Variants in ZBTB40 observed in about 807,000 individuals in gnomAD.
ZBTB40 encodes zinc finger and BTB domain containing 40, also known as zinc finger and BTB domain-containing protein 40.
Under a neutral mutation model 117.5 loss-of-function variants are expected in ZBTB40, and 60 were observed. The ratio of observed to expected loss-of-function variants is 0.51; its 90% CI spans 0.41 to 0.63. ZBTB40 has a LOEUF of 0.63. ZBTB40 is among the 30% of genes least tolerant of loss of function. The probability of loss-of-function intolerance (pLI) is 0.00; values close to 1 mark genes in which losing one functional copy is unlikely to be tolerated. For synonymous variants in ZBTB40, 525 were observed against 577.1 expected (o/e 0.91, Z 1.29); for missense variants, 1,287 against 1,498.5 (o/e 0.86, Z 2.33).
At chr1:22,464,810 A>G (rs1411272722) in intron 1 of ZBTB40, among the ~76,000 whole-genome samples, 2 of 152,178 alleles carry the variant, frequency 1.3e-5, no homozygotes, top group Non-Finnish European at 2.9e-5. Context: ...TTTTCTTTTT[A>G]GTATATCGAG....
At chr1:22,464,789 C>G (rs940331113) in intron 1 of ZBTB40, among the ~76,000 whole-genome samples, 1 of 152,166 alleles carries the variant, frequency 6.6e-6, no homozygotes, top group African/African-American at 2.4e-5. Flanking sequence ...TATTCAGTTG[C>G]ATGCTGGTTG....
intron 1 of ZBTB40, among the ~76,000 whole-genome samples, 187 bp from the exon 2 acceptor site, chr1:22,489,693 A>G (rs1263362421): frequency 6.6e-6 from 1 of 152,222 alleles, no homozygotes; most frequent in Admixed American, 6.5e-5. Flanking sequence ...AGTCTCTTTC[A>G]TATATTTAAA....
intron 13 of ZBTB40, among the ~76,000 whole-genome samples, chr1:22,519,439 C>T (rs1373829318): frequency 1.3e-5 from 2 of 152,328 alleles, no homozygotes; most frequent in African/African-American, 4.8e-5. Context: ...AAGATACTGC[C>T]TTACCACTCT....
chr1:22,501,753 A>G, intron 4 of ZBTB40, 69 bp downstream of exon 4: 1 of 1,524,514 alleles, frequency 6.6e-7, no homozygotes, highest in Non-Finnish European at 9.0e-7. Flanking sequence ...AGTTTGTTCC[A>G]ATGACATGTT....
chr1:22,429,118 C>T (rs1640542894), intron 1 of ZBTB40, among the ~76,000 whole-genome samples: 1 of 152,102 alleles, frequency 6.6e-6, no homozygotes, highest in South Asian at 2.1e-4. Flanking sequence ...CGCGGTGGCT[C>T]ATGCCTGTAA....
In ZBTB40 at chr1:22,491,391, T is replaced by C; in HGVS notation, c.698-9T>C. The C allele has an allele frequency of 1.2e-6, 2 of 1,613,634 alleles. No homozygotes were observed. Among genetic ancestry groups the C allele is most frequent in the South Asian group, 1.1e-5 (1 of 91,068 alleles). On this transcript the variant is annotated splice_polypyrimidine_tract_variant and intron_variant, in intron 2 of 17. Coordinates refer to ENST00000375647, the MANE Select transcript of ZBTB40 (RefSeq NM_014870.4). Reference sequence around the variant, plus strand: ...ATTTCTGATTTGTTTTATTTTGTTCTACATTTAGGATGTGAAAGGAAACAC... The same window carrying C: ...ATTTCTGATTTGTTTTATTTTGTTCCACATTTAGGATGTGAAAGGAAACAC...
At position 22,489,981 on chromosome 1, in the gene ZBTB40, G is replaced by A; in HGVS notation, c.33G>A (p.Leu11=). 18 of 1,613,186 alleles carry A rather than the reference G, an allele frequency of 1.1e-5. No individual in the cohort carries two copies. The highest frequency in any genetic ancestry group is 1.5e-5 in the Non-Finnish European group (18 of 1,180,014). The part of the protein sequence containing the change: MELPNYSRQL[L]QQLYTLCKEQ... ...TCCCCAACTACAGCCGGCAGCTGCT[G>A]CAGCAGCTGTACACTCTGTGCAAGG... is the stretch of plus-strand genomic sequence containing the variant. The change falls in exon 2 of 18, where the codon CTG becomes CTA. Residue 11 remains leucine (L), a synonymous_variant. Coordinates refer to ENST00000375647, the MANE Select transcript of ZBTB40 (RefSeq NM_014870.4).
In ZBTB40 at chr1:22,490,246, C is replaced by T; in HGVS notation, c.298C>T (p.Leu100=). 1 of 1,614,216 alleles carries T rather than the reference C, an allele frequency of 6.2e-7. No homozygotes were observed. The highest frequency in any genetic ancestry group is 8.5e-7 in the Non-Finnish European group (1 of 1,180,038). Residue 100 remains leucine (L), a synonymous_variant, in exon 2 of 18, where the codon CTA becomes TTA. Coordinates refer to ENST00000375647, the MANE Select transcript of ZBTB40 (RefSeq NM_014870.4). ...FSKIISLADS[L]QMFDVAVSCK... ...CAAAATCATCTCCTTAGCAGACAGT[C>T]TACAGATGTTTGATGTAGCTGTTAG...
At chr1:22,434,977 G>A (rs990312518) in intron 1 of ZBTB40, among the ~76,000 whole-genome samples, 2 of 151,214 alleles carry the variant, frequency 1.3e-5, no homozygotes, top group African/African-American at 4.9e-5. Flanking sequence ...GAAATGGTAT[G>A]TGTTTCCGTT....
chr1:22,505,661 A>G (rs989349898), intron 5 of ZBTB40, among the ~76,000 whole-genome samples: 1 of 152,190 alleles, frequency 6.6e-6, no homozygotes, highest in Non-Finnish European at 1.5e-5. Context: ...AAATTAAACT[A>G]TATTAATTAT....
rs972029604 is a variant in ZBTB40, at chr1:22,501,541, G to A, written c.881G>A (p.Arg294Lys). Residue 294 changes from arginine (R) to lysine (K), a missense_variant, in exon 4 of 18, where the codon AGA becomes AAA. By Grantham distance (26) the Arg-to-Lys change is conservative (BLOSUM62 2). Transcript: ENST00000375647. The part of the protein sequence containing the change: ...EGEGGHSAFQ[R>K]ILGKVREESL... ...GAAGGAGGACATTCAGCATTCCAGAGAATCCTGGGTAAAGTAAGAGAGGAA... is the reference window on the plus strand; with the variant it reads ...GAAGGAGGACATTCAGCATTCCAGAAAATCCTGGGTAAAGTAAGAGAGGAA... 5.6e-6 allele frequency: 9 copies of A among 1,614,130 alleles called. No individual in the cohort carries two copies. The highest frequency in any genetic ancestry group is 1.7e-5 in the Admixed American group (1 of 60,024).
At chr1:22,498,321 C>T (rs1557507994) in intron 3 of ZBTB40, among the ~76,000 whole-genome samples, 1 of 152,184 alleles carries the variant, frequency 6.6e-6, no homozygotes, top group East Asian at 1.9e-4. Flanking sequence ...GAATCCCTGC[C>T]TATCCTAATA....
intron 1 of ZBTB40, among the ~76,000 whole-genome samples, chr1:22,433,872 G>GC (rs765678891): frequency 6.7e-6 from 1 of 148,684 alleles, no homozygotes; most frequent in East Asian, 2.0e-4. Context: ...ATTTAAGCTA[G>GC]TTTTTTTTTT....
chr1:22,495,103 G>A (rs564001772), intron 3 of ZBTB40, among the ~76,000 whole-genome samples: 1 of 152,328 alleles, frequency 6.6e-6, no homozygotes, highest in South Asian at 2.1e-4. Context: ...TCCTGGATGT[G>A]TCATTCCGTT....
In ZBTB40 at chr1:22,432,745, T is replaced by C. The variant is rs151149017; in HGVS notation, c.-70+3731T>C. Among the ~76,000 whole-genome samples the C allele has an allele frequency of 2.7e-3, 406 of 152,330 alleles. 1 individual carries two copies. The highest frequency in any genetic ancestry group is 8.9e-3 in the African/African-American group (371 of 41,588). ...TCCAATGTTTTTAAACAAATACAAATGTATATTCTTATATCTGCCGCCCAT... is the reference window on the plus strand; with the variant it reads ...TCCAATGTTTTTAAACAAATACAAACGTATATTCTTATATCTGCCGCCCAT... On this transcript the variant is annotated intron_variant, in intron 1 of 8. Transcript: ENST00000650433.
intron 1 of ZBTB40, among the ~76,000 whole-genome samples, chr1:22,478,509 A>G (rs1033794642): frequency 2.6e-5 from 4 of 152,124 alleles, no homozygotes; most frequent in Non-Finnish European, 1.5e-5. Context: ...GGCCTCCCAA[A>G]GTGCTGGGAT....
At chr1:22,516,798 A>G (rs971716096) in intron 12 of ZBTB40, among the ~76,000 whole-genome samples, 3 of 152,200 alleles carry the variant, frequency 2.0e-5, no homozygotes, top group African/African-American at 7.2e-5. Context: ...TGGTCATTAT[A>G]TCCTCATTAT....
At chr1:22,525,095 G>C (rs1047521186) in intron 17 of ZBTB40, among the ~76,000 whole-genome samples, 2 of 152,184 alleles carry the variant, frequency 1.3e-5, no homozygotes, top group African/African-American at 4.8e-5. Flanking sequence ...TCCAGTTCCA[G>C]ATCAGTCATT....
intron 1 of ZBTB40, among the ~76,000 whole-genome samples, chr1:22,432,263 A>C (rs1640602107): frequency 6.6e-6 from 1 of 152,200 alleles, no homozygotes; most frequent in African/African-American, 2.4e-5. Context: ...AGTGATAGAT[A>C]CACTCCAGCA....
Sources: gnomAD v4.1 joint callset for allele counts (sites outside exome capture counted in the v4.1 genomes callset) on GRCh38, gnomAD v4.1.1 for gene constraint, MANE v1.5 for transcripts, NCBI Gene and HGNC (gene_info 2026-07-23, HGNC 2026-07-21) for gene names.